Variants in GLIS3 observed in about 807,000 individuals in gnomAD.
GLIS3 encodes zinc finger protein GLIS3.
In GLIS3, 53 loss-of-function variants were observed where a neutral mutation model predicts 78.6. The observed-to-expected ratio is 0.67, with a 90% CI of 0.54 to 0.85. The LOEUF (loss-of-function observed/expected upper bound fraction) is 0.85. Among genes scored for constraint, GLIS3 ranks in the 40% least tolerant of loss-of-function variants. GLIS3 has a pLI of 0.00. For synonymous variants in GLIS3, 684 were observed against 509.9 expected, an observed-to-expected ratio of 1.34 and a Z score of -4.60; for missense variants, 1,703 against 1,231.1, an observed-to-expected ratio of 1.38 and a Z score of -5.74.
chr9:4,195,688 C>T (rs957198780), intron 2 of GLIS3, among the ~76,000 whole-genome samples: 4 of 152,386 alleles, frequency 2.6e-5, no homozygotes, highest in Non-Finnish European at 4.4e-5. Flanking sequence ...TGGCGGGCAG[C>T]TCCGCCCATG....
chr9:3,959,013 G>A (rs900452220), intron 4 of GLIS3, among the ~76,000 whole-genome samples: 3 of 152,200 alleles, frequency 2.0e-5, no homozygotes, highest in Admixed American at 2.0e-4. Flanking sequence ...TTGCCATATT[G>A]CTTTGTTTTC....
intron 2 of GLIS3, among the ~76,000 whole-genome samples, chr9:4,163,118 G>A (rs1383099562): frequency 1.3e-5 from 2 of 152,176 alleles, no homozygotes; most frequent in Admixed American, 1.3e-4. Context: ...AGAAACTCAA[G>A]TTCAAAGAGA....
At chr9:4,440,486 T>C in the GLIS3 span, among the ~76,000 whole-genome samples, 2 of 152,224 alleles carry the variant, frequency 1.3e-5, no homozygotes, top group Non-Finnish European at 2.9e-5. Context: ...TATCATCAGT[T>C]GGCTGTAAAT....
intron 4 of GLIS3, among the ~76,000 whole-genome samples, chr9:3,963,390 T>A (rs1033693225): frequency 1.3e-5 from 2 of 152,176 alleles, no homozygotes. Flanking sequence ...GCTCCCCCAG[T>A]ATCACTGGCC....
the GLIS3 span, among the ~76,000 whole-genome samples, chr9:4,404,811 G>C: frequency 1.3e-5 from 2 of 151,948 alleles, no homozygotes; most frequent in African/African-American, 4.8e-5. Flanking sequence ...TAAAGAACTA[G>C]ACAAGCAGGA....
intron 4 of GLIS3, among the ~76,000 whole-genome samples, chr9:4,065,305 C>T (rs891503026): frequency 2.6e-5 from 4 of 152,118 alleles, no homozygotes; most frequent in Non-Finnish European, 5.9e-5. Flanking sequence ...TTAGAGAAAC[C>T]GAACAAAGGA....
At chr9:4,058,907 A>G (rs1319435139) in intron 4 of GLIS3, among the ~76,000 whole-genome samples, 1 of 151,784 alleles carries the variant, frequency 6.6e-6, no homozygotes, top group Non-Finnish European at 1.5e-5. Flanking sequence ...GAATGAACCC[A>G]GGAGGTGGAG....
chr9:4,276,380 A>T (rs118047997), intron 2 of GLIS3, among the ~76,000 whole-genome samples: 7,351 of 36,424 alleles, frequency 0.2, 1,522 homozygotes, highest in Non-Finnish European at 0.25. Flanking sequence ...ACGGGAGGGG[A>T]GGTGAGGGGA....
chr9:4,185,838 G>A (rs991058748), intron 2 of GLIS3, among the ~76,000 whole-genome samples: 3 of 152,106 alleles, frequency 2.0e-5, no homozygotes, highest in African/African-American at 4.8e-5. Context: ...CCATTGGCCA[G>A]ACCCAACTGG....
intron 4 of GLIS3, among the ~76,000 whole-genome samples, chr9:4,098,367 A>G (rs2130787915): frequency 6.6e-6 from 1 of 152,278 alleles, no homozygotes; most frequent in East Asian, 1.9e-4. Context: ...TAATGAATGG[A>G]GGAGTAGAAG....
intron 2 of GLIS3, among the ~76,000 whole-genome samples, chr9:4,315,228 C>A (rs1049652226): frequency 6.6e-6 from 1 of 152,178 alleles, no homozygotes; most frequent in Non-Finnish European, 1.5e-5. Context: ...AGAAACAAAT[C>A]TCGTCATCTT....
chr9:4,392,988 G>T, the GLIS3 span, among the ~76,000 whole-genome samples: 1 of 151,592 alleles, frequency 6.6e-6, no homozygotes, highest in East Asian at 1.9e-4. Flanking sequence ...TAAAGTGAGG[G>T]AGTTTTACCC....
At chr9:4,202,650 C>T (rs12685690) in intron 2 of GLIS3, among the ~76,000 whole-genome samples, 14,173 of 151,796 alleles carry the variant, frequency 0.093, 768 homozygotes, top group East Asian at 0.22. Context: ...AATAGAGAAC[C>T]CAGAAGTAAA....
the GLIS3 span, among the ~76,000 whole-genome samples, chr9:4,445,773 C>T: frequency 1.3e-5 from 2 of 152,216 alleles, no homozygotes; most frequent in African/African-American, 4.8e-5. Flanking sequence ...ATGTCCGAAT[C>T]CTTCTCAAGT....
At chr9:4,092,303 C>A (rs1829586618) in intron 4 of GLIS3, among the ~76,000 whole-genome samples, 1 of 151,932 alleles carries the variant, frequency 6.6e-6, no homozygotes, top group Admixed American at 6.6e-5. Context: ...AGGCGCCCAC[C>A]ACCATGCCTG....
the GLIS3 span, among the ~76,000 whole-genome samples, chr9:4,408,619 C>T: frequency 6.4e-5 from 9 of 141,462 alleles, 1 homozygote; most frequent in African/African-American, 2.7e-5. Flanking sequence ...CCCAGGTACT[C>T]GGGAGGCTGA....
In GLIS3 at chr9:4,015,392, C is replaced by T. The variant is rs538615634; in HGVS notation, c.1711-78203G>A. On this transcript the variant is annotated intron_variant, in intron 4 of 10. Coordinates refer to ENST00000381971, the MANE Select transcript of GLIS3 (RefSeq NM_001042413.2). ...TCACAAAATGTTAATGAGATGTTACCTGTAAAATATTTACAGTCTAAAAAA... is the reference window on the plus strand; with the variant it reads ...TCACAAAATGTTAATGAGATGTTACTTGTAAAATATTTACAGTCTAAAAAA... Among the ~76,000 whole-genome samples the T allele has an allele frequency of 3.3e-5, 5 of 152,284 alleles. No homozygotes were observed. In the East Asian group the frequency reaches 9.6e-4, roughly 29 times the overall value.
chr9:4,484,227 C>T, the GLIS3 span, among the ~76,000 whole-genome samples: 1 of 145,406 alleles, frequency 6.9e-6, no homozygotes, highest in African/African-American at 2.6e-5. Context: ...GCCAAACTAA[C>T]TTTTTTTTTT....
rs541775490 is a variant in GLIS3 at position 3,959,509 on chromosome 9, C to T, written c.1711-22320G>A. On this transcript the variant is annotated intron_variant, in intron 4 of 10. Transcript: ENST00000381971. ...GGCTTCCTACAGTACCCAAAAGAAACTCCAAATTCCTCTTTGCAGTTGCCC... is the reference window on the plus strand; with the variant it reads ...GGCTTCCTACAGTACCCAAAAGAAATTCCAAATTCCTCTTTGCAGTTGCCC... Among the ~76,000 whole-genome samples, 3 of 152,304 alleles carry T rather than the reference C, an allele frequency of 2.0e-5. No individual in the cohort carries two copies. The South Asian group carries it at 6.2e-4, about 32-fold the overall frequency.
Sources: allele counts gnomAD v4.1 joint callset (sites outside exome capture counted in the v4.1 genomes callset), GRCh38; gene constraint gnomAD v4.1.1; transcripts MANE v1.5; gene names NCBI Gene and HGNC (gene_info 2026-07-23, HGNC 2026-07-21).